Variants in CUL5 observed in about 807,000 individuals in gnomAD.
CUL5 encodes the protein cullin-5.
CUL5 carries 26 observed loss-of-function variants against 108.8 expected under a neutral mutation model. That is an observed-to-expected ratio of 0.24 (90% CI 0.18 to 0.33). The LOEUF (loss-of-function observed/expected upper bound fraction) is 0.33. CUL5 is among the 10% of genes least tolerant of loss of function. CUL5 has a pLI of 1.00. For missense variants in CUL5, 524 were observed against 909.2 expected (o/e 0.58, Z 5.45); for synonymous variants, 334 against 298.0 (o/e 1.12, Z -1.25).
At chr11:108,024,272 C>T (rs1862403234) in intron 1 of CUL5, among the ~76,000 whole-genome samples, 1 of 152,062 alleles carries the variant, frequency 6.6e-6, no homozygotes, top group Non-Finnish European at 1.5e-5. Context: ...GGGAATAGGC[C>T]AGGCACAGTG....
Position 108,024,154 on chromosome 11 carries a change from T to G in CUL5, c.25-9648T>G, listed in dbSNP as rs557914980. 1.3e-4 allele frequency among the ~76,000 whole-genome samples: 20 copies of G among 152,358 alleles called. No individual in the cohort carries two copies. The South Asian group carries it at 4.1e-3, about 32-fold the overall frequency. On this transcript the variant is annotated intron_variant, in intron 1 of 18. Coordinates refer to ENST00000393094, the MANE Select transcript of CUL5 (RefSeq NM_003478.6). Reference sequence around the variant, plus strand: ...AGAATAGTTAATTAAGAATGTGGCTTTAACAGAGCTAAACTGCTTGGATTT... The same window carrying G: ...AGAATAGTTAATTAAGAATGTGGCTGTAACAGAGCTAAACTGCTTGGATTT...
intron 18 of CUL5, among the ~76,000 whole-genome samples, chr11:108,099,005 C>T (rs1382227426): frequency 5.3e-5 from 7 of 133,130 alleles, no homozygotes; most frequent in South Asian, 2.4e-4. Context: ...GGCCAGTGTA[C>T]TTTTTTTTTT....
At chr11:108,048,306 A>G (rs1863116464) in intron 3 of CUL5, among the ~76,000 whole-genome samples, 1 of 152,122 alleles carries the variant, frequency 6.6e-6, no homozygotes, top group Non-Finnish European at 1.5e-5. Flanking sequence ...TTTAACCTAG[A>G]TTAACACAAC....
intron 1 of CUL5, 65 bp downstream of exon 1, chr11:108,009,437 C>A: frequency 6.4e-7 from 1 of 1,564,918 alleles, no homozygotes; most frequent in East Asian, 2.2e-5. Context: ...TTGGGAAAGG[C>A]ACGGCTCAGG....
At chr11:108,103,113 G>T (rs1864711591) in intron 18 of CUL5, among the ~76,000 whole-genome samples, 1 of 152,138 alleles carries the variant, frequency 6.6e-6, no homozygotes, top group African/African-American at 2.4e-5. Context: ...GCCTTTTGTT[G>T]GGTAAAGAGA....
chr11:108,099,089 C>T (rs1446977141), intron 18 of CUL5, among the ~76,000 whole-genome samples: 1 of 150,040 alleles, frequency 6.7e-6, no homozygotes, highest in East Asian at 2.0e-4. Context: ...ACTGCAGCCT[C>T]AACTCCCTGG....
At chr11:108,082,780 A>C (rs936119331) in intron 11 of CUL5, among the ~76,000 whole-genome samples, 2 of 151,164 alleles carry the variant, frequency 1.3e-5, no homozygotes, top group African/African-American at 4.9e-5. Flanking sequence ...ACTAAGGGCC[A>C]TACCACCATG....
chr11:108,052,427 TTTTTTG>T (rs1863252192), intron 4 of CUL5, among the ~76,000 whole-genome samples: 1 of 151,862 alleles, frequency 6.6e-6, no homozygotes, highest in Non-Finnish European at 1.5e-5. Context: ...CTGGGCTATT[TTTTTTG>T]TATTTTTTTG....
intron 9 of CUL5, 29 bp from the exon 10 acceptor site, chr11:108,073,348 CTTTTTCTTTTAAA>C (rs771739084): frequency 1.1e-6 from 1 of 882,258 alleles, no homozygotes; most frequent in Admixed American, 2.6e-5. Flanking sequence ...TTGTGTTATT[CTTTTTCTTTTAAA>C]AACTTAATGT....
intron 10 of CUL5, among the ~76,000 whole-genome samples, chr11:108,074,885 G>A (rs115818543): frequency 0.026 from 3,909 of 152,226 alleles, 178 homozygotes; most frequent in African/African-American, 0.086. Context: ...CATGGTGGGC[G>A]TGGTGTGAAG....
At chr11:108,037,699 G>A (rs917569904) in intron 2 of CUL5, among the ~76,000 whole-genome samples, 11 of 152,170 alleles carry the variant, frequency 7.2e-5, no homozygotes, top group Admixed American at 3.3e-4. Context: ...CTGGGGGCTC[G>A]TCATGTAAGC....
intron 7 of CUL5, among the ~76,000 whole-genome samples, chr11:108,057,453 C>G (rs933982487): frequency 1.3e-5 from 2 of 152,138 alleles, no homozygotes; most frequent in South Asian, 4.1e-4. Flanking sequence ...TGAACATCAC[C>G]AGTAGTAGGA....
chr11:108,081,248 AT>A (rs1268201141), intron 11 of CUL5, among the ~76,000 whole-genome samples: 2 of 152,078 alleles, frequency 1.3e-5, no homozygotes, highest in African/African-American at 4.8e-5. Context: ...AGATCGTGCC[AT>A]TACACTCCAG....
chr11:108,081,910 T>C (rs1346620200), intron 11 of CUL5, among the ~76,000 whole-genome samples: 1 of 152,232 alleles, frequency 6.6e-6, no homozygotes, highest in African/African-American at 2.4e-5. Context: ...ATGTTTCAAG[T>C]TGGTTCTTTT....
intron 1 of CUL5, among the ~76,000 whole-genome samples, chr11:108,018,441 C>T (rs1565231375): frequency 2.0e-5 from 3 of 151,774 alleles, no homozygotes; most frequent in South Asian, 2.1e-4. Context: ...CTGAGGCAGG[C>T]GGATCATGTG....
rs1281022568 is a variant in CUL5, at chr11:108,105,211, AGTGTGTTTACTAAACATATT to A, written c.*841_*860del. On this transcript the variant is annotated 3_prime_UTR_variant, in exon 19 of 19. Coordinates refer to ENST00000393094, the MANE Select transcript of CUL5 (RefSeq NM_003478.6). ...CCAAAATAGCAAAACAAACATATTAAGTGTGTTTACTAAACATATTGTGTGTTTACTAACACACTTAATGT... is the reference window on the plus strand; with the variant it reads ...CCAAAATAGCAAAACAAACATATTAAGTGTGTTTACTAACACACTTAATGT... 2.0e-5 allele frequency: 3 copies of A among 152,156 alleles called. No individual in the cohort carries two copies. Among genetic ancestry groups the A allele is most frequent in the Non-Finnish European group, 4.4e-5 (3 of 68,008 alleles). The allele number at this position is 152,156 out of a possible 1,614,324, so 9.4% of individuals were successfully genotyped here. A position where few individuals can be genotyped will look rare whatever the true frequency, so the allele number is the denominator to read the frequency against.
chr11:108,081,743 C>T (rs760201649), intron 11 of CUL5, among the ~76,000 whole-genome samples: 2 of 152,142 alleles, frequency 1.3e-5, no homozygotes, highest in African/African-American at 4.8e-5. Context: ...GAGTGCGAGT[C>T]TCCGTCTCAA....
chr11:108,081,337 T>G (rs1864077023), intron 11 of CUL5, among the ~76,000 whole-genome samples: 1 of 152,138 alleles, frequency 6.6e-6, no homozygotes, highest in Non-Finnish European at 1.5e-5. Context: ...TACATTTAAG[T>G]CATTGATCCA....
intron 6 of CUL5, 35 bp from the exon 7 acceptor site, chr11:108,054,840 A>G: frequency 3.1e-6 from 5 of 1,601,680 alleles, no homozygotes; most frequent in Non-Finnish European, 3.4e-6. Flanking sequence ...TTCCCTTGAT[A>G]TTCTTAAAAT....
Sources: allele counts gnomAD v4.1 joint callset (sites outside exome capture counted in the v4.1 genomes callset), GRCh38; gene constraint gnomAD v4.1.1; transcripts MANE v1.5; gene names NCBI Gene and HGNC (gene_info 2026-07-23, HGNC 2026-07-21).